SH2D3C: variants seen among roughly 807,000 people sequenced by gnomAD.
SH2D3C encodes SH2 domain-containing protein 3C.
Under a neutral mutation model 75.2 loss-of-function variants are expected in SH2D3C, and 25 were observed. That is an observed-to-expected ratio of 0.33 (90% CI 0.24 to 0.46). The LOEUF is 0.46. Among genes scored for constraint, SH2D3C ranks in the 20% least tolerant of loss-of-function variants. The pLI is 1.00. For missense variants in SH2D3C, 933 were observed against 1,165.3 expected (o/e 0.80, Z 2.90); for synonymous variants, 450 against 473.7 (o/e 0.95, Z 0.65).
chr9:127,750,509 C>A (rs1477702694), intron 4 of SH2D3C, among the ~76,000 whole-genome samples: 6 of 152,314 alleles, frequency 3.9e-5, no homozygotes, highest in Non-Finnish European at 8.8e-5. Flanking sequence ...AGTGTCCCCT[C>A]CTCGGGACTC....
chr9:127,755,308 GCGGGGCGGGGAGA>G, intron 3 of SH2D3C: 1 of 1,040,220 alleles, frequency 9.6e-7, no homozygotes, highest in Non-Finnish European at 1.2e-6. Flanking sequence ...GAGCGGGGAG[GCGGGGCGGGGAGA>G]CCCCACCCTC....
Position 127,739,603 on chromosome 9 carries a change from T to A in SH2D3C, c.2407+79A>T. 1 of 1,325,024 alleles carries A rather than the reference T, an allele frequency of 7.5e-7. No homozygotes were observed. The highest frequency in any genetic ancestry group is 1.1e-6 in the Non-Finnish European group (1 of 949,256). The allele number at this position is 1,325,024 out of a possible 1,614,324, so 82.1% of individuals were successfully genotyped here. Reference sequence around the variant, plus strand: ...GAGTGGAGAAATGTGAATGGATGCCTTGGAGAAAAGGGAAGCAGTGAGGCA... The same window carrying A: ...GAGTGGAGAAATGTGAATGGATGCCATGGAGAAAAGGGAAGCAGTGAGGCA... On this transcript the variant is annotated intron_variant, in intron 11 of 11. Transcript: ENST00000314830. The surrounding 1 kb of genome is among the most constrained non-coding windows in gnomAD (Gnocchi z 4.3).
chr9:127,747,040 G>C, intron 6 of SH2D3C, 107 bp downstream of exon 6: 1 of 1,124,380 alleles, frequency 8.9e-7, no homozygotes, highest in South Asian at 1.5e-5. Flanking sequence ...TCTTGGTAAA[G>C]GTCGCGCCTC....
rs757336002 is a variant in SH2D3C at position 127,751,221 on chromosome 9, C to T, written c.635G>A (p.Ser212Asn). 8 of 1,614,130 alleles carry T rather than the reference C, an allele frequency of 5.0e-6. No individual in the cohort carries two copies. ...CCAGGCATGGCTGCGGAGATCCGTG[C>T]TGCTGAGTTTGAGCTCCTCCTCCAA... Reference protein sequence around the residue: ...KELEEELKLSSTDLRSHAWYH... With the variant: ...KELEEELKLSNTDLRSHAWYH... Residue 212 changes from serine to asparagine, a missense_variant, in exon 4 of 12, where the codon AGC (serine) becomes AAC (asparagine). Coordinates refer to ENST00000314830, the MANE Select transcript of SH2D3C (RefSeq NM_170600.3). This position sits in a 1 kb window ranked among gnomAD's most constrained non-coding sequence, Gnocchi z 4.1.
rs779952248 is a variant in SH2D3C, at chr9:127,744,744, C to T, written c.1620G>A (p.Lys540=). The T allele has an allele frequency of 1.9e-6, 3 of 1,614,226 alleles. No homozygotes were observed. The highest frequency in any genetic ancestry group is 2.2e-5 in the South Asian group (2 of 91,084). ...ENGAPEGDWG[K]TFTVPIVEVT... is the part of the protein sequence containing the mutation. ...CTTCCACGATGGGGACTGTGAAGGTCTTGCCCCAGTCCCCTTCAGGGGCCC... is the reference window on the plus strand; with the variant it reads ...CTTCCACGATGGGGACTGTGAAGGTTTTGCCCCAGTCCCCTTCAGGGGCCC... The change falls in exon 7 of 12, where the codon AAG becomes AAA. Residue 540 remains lysine (K), a synonymous_variant. Coordinates refer to ENST00000314830, the MANE Select transcript of SH2D3C (RefSeq NM_170600.3).
intron 1 of SH2D3C, among the ~76,000 whole-genome samples, chr9:127,777,082 C>T (rs1042352607): frequency 1.3e-5 from 2 of 152,176 alleles, no homozygotes; most frequent in Non-Finnish European, 2.9e-5. Flanking sequence ...GCCCGTGTGA[C>T]CTCAAGCAAG....
Position 127,744,755 on chromosome 9 carries a change from C to T in SH2D3C, c.1609G>A (p.Asp537Asn). The T allele has an allele frequency of 6.2e-7, 1 of 1,614,258 alleles. No homozygotes were observed. Among genetic ancestry groups the T allele is most frequent in the East Asian group, 2.2e-5 (1 of 44,890 alleles). The change falls in exon 7 of 12, where the codon GAC (aspartate) becomes AAC (asparagine). Residue 537 changes from aspartate (D) to asparagine (N), a missense_variant. Coordinates refer to ENST00000314830, the MANE Select transcript of SH2D3C (RefSeq NM_170600.3). ...GGGACTGTGAAGGTCTTGCCCCAGT[C>T]CCCTTCAGGGGCCCCATTTTCTGAC... is the stretch of plus-strand genomic sequence containing the variant. ...ELSENGAPEG[D>N]WGKTFTVPIV...
chr9:127,767,452 C>T, intron 2 of SH2D3C: 1 of 320,310 alleles, frequency 3.1e-6, no homozygotes, highest in Non-Finnish European at 4.5e-6. Context: ...CTGTTCCTTA[C>T]ATGGGCGGAC....
chr9:127,755,517 G>C (rs1259628693), intron 3 of SH2D3C, among the ~76,000 whole-genome samples: 1 of 152,202 alleles, frequency 6.6e-6, no homozygotes, highest in Non-Finnish European at 1.5e-5. Context: ...CCATGGGCCA[G>C]CGAGGGGAGG....
At chr9:127,745,455 CTTTTTTTTTT>C (rs1190107937) in intron 6 of SH2D3C, among the ~76,000 whole-genome samples, 3 of 109,554 alleles carry the variant, frequency 2.7e-5, no homozygotes, top group South Asian at 5.9e-4. Context: ...TAATGATTTC[CTTTTTTTTTT>C]TTTTTTTTTT....
chr9:127,761,467 C>G lies in SH2D3C; in HGVS notation c.555+144G>C, dbSNP rs906265650. 5 of 588,356 alleles carry G rather than the reference C, an allele frequency of 8.5e-6. No individual in the cohort carries two copies. The East Asian group carries it at 9.1e-5, about 11-fold the overall frequency. 36.4% of individuals were successfully genotyped at this position (588,356 alleles called of 1,614,324 possible). A position where few individuals can be genotyped will look rare whatever the true frequency, so the allele number is the denominator to read the frequency against. ...ATGAAACTGGATCCAAATGCTGCCTCGACTCCGAGAACCTCCCCTCCTGGG... is the reference window on the plus strand; with the variant it reads ...ATGAAACTGGATCCAAATGCTGCCTGGACTCCGAGAACCTCCCCTCCTGGG... On this transcript the variant is annotated intron_variant, in intron 3 of 11. Transcript: ENST00000314830.
chr9:127,757,642 GATGATTATT>G (rs1184989338), intron 3 of SH2D3C, among the ~76,000 whole-genome samples: 59 of 123,456 alleles, frequency 4.8e-4, no homozygotes, highest in African/African-American at 1.5e-3. Context: ...TGATGATGAT[GATGATTATT>G]ATTATTATTA....
At chr9:127,747,752 C>G (rs1336065189) in intron 5 of SH2D3C, among the ~76,000 whole-genome samples, 1 of 152,106 alleles carries the variant, frequency 6.6e-6, no homozygotes, top group Non-Finnish European at 1.5e-5. Context: ...GTTGGCCAGG[C>G]TTGTCTCAAA....
At chr9:127,743,109 T>C in intron 7 of SH2D3C, 145 bp from the exon 8 acceptor site, 3 of 561,344 alleles carry the variant, frequency 5.3e-6, no homozygotes, top group Non-Finnish European at 6.4e-6. Context: ...CCCTCTGATA[T>C]GGAGCAAGTG....
chr9:127,765,859 CAATT>C (rs1845623533), intron 2 of SH2D3C, among the ~76,000 whole-genome samples: 1 of 152,194 alleles, frequency 6.6e-6, no homozygotes, highest in Admixed American at 6.5e-5. Context: ...GTGGTGAAAT[CAATT>C]AATAAATAAT....
At chr9:127,762,317 T>A in intron 2 of SH2D3C, 1 of 1,293,616 alleles carries the variant, frequency 7.7e-7, no homozygotes, top group Non-Finnish European at 1.0e-6. Flanking sequence ...CCCCACCGCA[T>A]GGCCTTAAAT....
Position 127,745,045 on chromosome 9 carries a change from G to A in SH2D3C, c.1319C>T (p.Ser440Phe). The A allele has an allele frequency of 1.3e-6, 2 of 1,512,222 alleles. No homozygotes were observed. Among genetic ancestry groups the A allele is most frequent in the Non-Finnish European group, 8.8e-7 (1 of 1,131,178 alleles). The allele number at this position is 1,512,222 out of a possible 1,614,324, so 93.7% of individuals were successfully genotyped here. The change falls in exon 7 of 12, where the codon TCC becomes TTC. Residue 440 changes from serine to phenylalanine, a missense_variant. By Grantham distance (155) the Ser-to-Phe change is radical. Coordinates refer to ENST00000314830, the MANE Select transcript of SH2D3C (RefSeq NM_170600.3). ...AAPSATALPA[S>F]PVARRSSEPQ... ...CTCACTGGAACGGCGGGCGACAGGG[G>A]AGGCAGGCAATGCTGTGGCAGAAGG...
chr9:127,740,055 C>T (rs538505503), intron 10 of SH2D3C, among the ~76,000 whole-genome samples, 167 bp from the exon 11 acceptor site: 3 of 152,302 alleles, frequency 2.0e-5, no homozygotes, highest in East Asian at 3.9e-4. Context: ...ATTCCCCCAA[C>T]TGAACCCACT....
At chr9:127,764,002 T>G (rs1845585878) in intron 2 of SH2D3C, among the ~76,000 whole-genome samples, 1 of 152,046 alleles carries the variant, frequency 6.6e-6, no homozygotes, top group Non-Finnish European at 1.5e-5. Context: ...TCTTCCCGGG[T>G]GAGGCATCCC....
Sources: allele counts gnomAD v4.1 joint callset (sites outside exome capture counted in the v4.1 genomes callset), GRCh38; gene constraint gnomAD v4.1.1; non-coding constraint Gnocchi (gnomAD v3.1); transcripts MANE v1.5; gene names NCBI Gene and HGNC (gene_info 2026-07-23, HGNC 2026-07-21).